GPC6: variants seen among roughly 807,000 people sequenced by gnomAD.
GPC6 encodes the protein glypican 6, also known as glypican-6.
Under a neutral mutation model 55.2 loss-of-function variants are expected in GPC6, and 14 were observed. The ratio of observed to expected loss-of-function variants is 0.25; its 90% confidence interval spans 0.17 to 0.40. The LOEUF (loss-of-function observed/expected upper bound fraction) is 0.40. Among genes scored for constraint, GPC6 ranks in the 10% least tolerant of loss-of-function variants. The probability of loss-of-function intolerance (pLI) is 1.00; values close to 1 mark genes in which losing one functional copy is unlikely to be tolerated. For synonymous variants in GPC6, 278 were observed against 259.6 expected, an observed-to-expected ratio of 1.07 and a Z score of -0.68; for missense variants, 641 against 708.5, an observed-to-expected ratio of 0.90 and a Z score of 1.08.
At chr13:93,990,893 A>AGGGAGAG (rs952125693) in intron 3 of GPC6, among the ~76,000 whole-genome samples, 1 of 149,396 alleles carries the variant, frequency 6.7e-6, no homozygotes, top group Non-Finnish European at 1.5e-5. Context: ...AAAGAAAGAA[A>AGGGAGAG]GGGAGAGGGG....
intron 1 of GPC6, among the ~76,000 whole-genome samples, chr13:93,312,145 T>C (rs1879090824): frequency 6.6e-6 from 1 of 152,222 alleles, no homozygotes; most frequent in Non-Finnish European, 1.5e-5. Context: ...TTCTCTTTTT[T>C]TCTTTTCTTA....
At chr13:93,825,872 T>C (rs145143392) in intron 2 of GPC6, among the ~76,000 whole-genome samples, 4,931 of 146,414 alleles carry the variant, frequency 0.034, 259 homozygotes, top group African/African-American at 0.11. Context: ...TTTTTTTTTT[T>C]TTTTTTTGAG....
intron 2 of GPC6, among the ~76,000 whole-genome samples, chr13:93,549,279 A>G (rs1874994404): frequency 6.6e-6 from 1 of 152,102 alleles, no homozygotes; most frequent in Non-Finnish European, 1.5e-5. Context: ...ACAAGGGGAG[A>G]GTCATCTTTG....
intron 2 of GPC6, among the ~76,000 whole-genome samples, chr13:93,555,940 G>A (rs2139450398): frequency 6.6e-6 from 1 of 152,204 alleles, no homozygotes; most frequent in African/African-American, 2.4e-5. Flanking sequence ...TGTAGAGCTG[G>A]GGCAAAGAAA....
chr13:93,856,878 T>C (rs1888635264), intron 3 of GPC6, among the ~76,000 whole-genome samples: 1 of 151,648 alleles, frequency 6.6e-6, no homozygotes, highest in Non-Finnish European at 1.5e-5. Flanking sequence ...GAGAACGTGG[T>C]TAAATAGGCA....
intron 1 of GPC6, among the ~76,000 whole-genome samples, chr13:93,315,350 T>G (rs185024164): frequency 6.6e-6 from 1 of 152,018 alleles, no homozygotes; most frequent in African/African-American, 2.4e-5. Flanking sequence ...ATAGCTCTGT[T>G]TTCTAGGGAA....
intron 1 of GPC6, among the ~76,000 whole-genome samples, chr13:93,233,349 A>AT (rs1876126392): frequency 2.1e-5 from 3 of 142,184 alleles, no homozygotes; most frequent in African/African-American, 8.0e-5. Context: ...GTAGCCAAAA[A>AT]AAAAAAAATC....
intron 2 of GPC6, among the ~76,000 whole-genome samples, chr13:93,600,949 CAA>C (rs1196219049): frequency 4.8e-4 from 13 of 27,034 alleles, no homozygotes; most frequent in East Asian, 1.1e-3. Context: ...AATTCCGCCT[CAA>C]AAAAAAAAAA....
At chr13:93,367,283 AAG>A (rs60940681) in intron 1 of GPC6, among the ~76,000 whole-genome samples, 20,516 of 152,040 alleles carry the variant, frequency 0.13, 2,098 homozygotes, top group East Asian at 0.52. Flanking sequence ...AAATATCAAA[AAG>A]AGAAGCAAGG....
At chr13:94,316,061 C>T (rs1320162650) in intron 6 of GPC6, among the ~76,000 whole-genome samples, 2 of 152,186 alleles carry the variant, frequency 1.3e-5, no homozygotes, top group Admixed American at 6.5e-5. Flanking sequence ...GACACCCCCA[C>T]TTTAGAGGAT....
chr13:93,872,728 G>A (rs2140302778), intron 3 of GPC6, among the ~76,000 whole-genome samples: 1 of 151,938 alleles, frequency 6.6e-6, no homozygotes, highest in African/African-American at 2.4e-5. Flanking sequence ...TTTCACCTCT[G>A]CAAAATCCTT....
intron 4 of GPC6, among the ~76,000 whole-genome samples, chr13:94,064,645 C>T (rs2138773189): frequency 6.6e-6 from 1 of 152,190 alleles, no homozygotes; most frequent in Middle Eastern, 3.4e-3. Flanking sequence ...CCTGCCTCAC[C>T]AGAACCTTTG....
chr13:94,071,221 G>A (rs1244829846), intron 4 of GPC6, among the ~76,000 whole-genome samples: 1 of 152,110 alleles, frequency 6.6e-6, no homozygotes, highest in Non-Finnish European at 1.5e-5. Flanking sequence ...GGTTAACTCA[G>A]TTTTGAAATT....
rs530768933 is a variant in GPC6, at chr13:94,021,234, A to G, written c.712-6495A>G. Among the ~76,000 whole-genome samples the G allele has an allele frequency of 2.6e-5, 4 of 151,294 alleles. No individual in the cohort carries two copies. The East Asian group carries it at 5.9e-4, about 22-fold the overall frequency. ...TTATATGATTTTCATAGAAACAAGC[A>G]TCTGCTAGGTGTATGTTCATTGTGT... On this transcript the variant is annotated intron_variant, in intron 3 of 8. Coordinates refer to ENST00000377047, the MANE Select transcript of GPC6 (RefSeq NM_005708.5).
rs1021679080 is a variant in GPC6 at position 93,545,309 on chromosome 13, A to G, written c.207A>G (p.Thr69=). ...CTCAGGAATATACATGCTGCACCACAGAAATGGAAGACAAGTTAAGCCAAC... is the reference window on the plus strand; with the variant it reads ...CTCAGGAATATACATGCTGCACCACGGAAATGGAAGACAAGTTAAGCCAAC... ...ICPQEYTCCT[T]EMEDKLSQQS... The change falls in exon 2 of 9, where the codon ACA becomes ACG. Residue 69 remains threonine (T), a synonymous_variant. Coordinates refer to ENST00000377047, the MANE Select transcript of GPC6 (RefSeq NM_005708.5). The G allele has an allele frequency of 2.5e-6, 4 of 1,613,634 alleles. No individual in the cohort carries two copies. Among genetic ancestry groups the G allele is most frequent in the Middle Eastern group, 1.6e-4 (1 of 6,082 alleles).
At chr13:93,459,915 G>T (rs1421920773) in intron 1 of GPC6, among the ~76,000 whole-genome samples, 1 of 152,184 alleles carries the variant, frequency 6.6e-6, no homozygotes, top group African/African-American at 2.4e-5. Context: ...GTGGCCAAGA[G>T]TGTGAGAGGC....
At chr13:93,928,763 A>C (rs1877991393) in intron 3 of GPC6, among the ~76,000 whole-genome samples, 1 of 151,926 alleles carries the variant, frequency 6.6e-6, no homozygotes, top group South Asian at 2.1e-4. Flanking sequence ...GATAAATAAG[A>C]AATGGAGATT....
intron 3 of GPC6, among the ~76,000 whole-genome samples, chr13:93,986,295 G>A (rs377278737): frequency 1.4e-4 from 22 of 152,184 alleles, no homozygotes; most frequent in African/African-American, 5.1e-4. Flanking sequence ...GAGACACTCT[G>A]TTAGACATTC....
intron 1 of GPC6, among the ~76,000 whole-genome samples, chr13:93,255,060 G>C (rs907598324): frequency 4.6e-5 from 7 of 152,188 alleles, no homozygotes; most frequent in African/African-American, 1.4e-4. Flanking sequence ...GCTGCAGTGG[G>C]CAGCCAACTG....
Sources: gnomAD v4.1 joint callset for allele counts (sites outside exome capture counted in the v4.1 genomes callset) on GRCh38, gnomAD v4.1.1 for gene constraint, MANE v1.5 for transcripts, NCBI Gene and HGNC (gene_info 2026-07-23, HGNC 2026-07-21) for gene names.